The following CCDC112 variants were observed in gnomAD, a reference collection of about 807,000 sequenced individuals.
The protein encoded by CCDC112 is coiled-coil domain containing 112.
Under a neutral mutation model 66.3 loss-of-function variants are expected in CCDC112, and 40 were observed. That is an observed-to-expected ratio of 0.60 (90% CI 0.47 to 0.79). CCDC112 has a LOEUF of 0.79. Ranked by LOEUF, CCDC112 falls within the 30% of genes least tolerant of loss-of-function variation. The pLI is 0.00. For missense variants in CCDC112, 659 were observed against 603.8 expected, an observed-to-expected ratio of 1.09 and a Z score of -0.96; for synonymous variants, 214 against 197.2, an observed-to-expected ratio of 1.09 and a Z score of -0.71.
At chr5:115,289,883 G>A (rs1221147300) in intron 1 of CCDC112, among the ~76,000 whole-genome samples, 2 of 152,132 alleles carry the variant, frequency 1.3e-5, no homozygotes, top group Admixed American at 6.5e-5. Flanking sequence ...GGGGTTTCGC[G>A]ATGTTGGCCA....
chr5:115,269,246 AT>A (rs1315694281), intron 8 of CCDC112, among the ~76,000 whole-genome samples: 8 of 152,170 alleles, frequency 5.3e-5, no homozygotes, highest in African/African-American at 1.9e-4. Flanking sequence ...CTATTTTTCT[AT>A]TTCTATTATG....
At chr5:115,280,225 A>C (rs79788131) in intron 2 of CCDC112, 2,197 of 164,390 alleles carry the variant, frequency 0.013, 56 homozygotes, top group African/African-American at 0.05. Context: ...GCTCTCCACT[A>C]TCTAATAGGG....
intron 2 of CCDC112, among the ~76,000 whole-genome samples, chr5:115,283,930 G>C (rs1295718366): frequency 6.6e-6 from 1 of 151,940 alleles, no homozygotes; most frequent in African/African-American, 2.4e-5. Flanking sequence ...TTATATGCTG[G>C]TACTGCTGAC....
At chr5:115,275,786 T>C (rs376252376) in intron 5 of CCDC112, among the ~76,000 whole-genome samples, 180 bp from the exon 6 acceptor site, 6 of 152,172 alleles carry the variant, frequency 3.9e-5, no homozygotes, top group Non-Finnish European at 7.4e-5. Context: ...AAATTCTTAT[T>C]TGGGATTTTA....
At chr5:115,270,059 T>G (rs1748935284) in intron 7 of CCDC112, among the ~76,000 whole-genome samples, 1 of 152,158 alleles carries the variant, frequency 6.6e-6, no homozygotes. Flanking sequence ...GGTGAGTTAA[T>G]CCCATTTTCA....
At chr5:115,288,618 T>G (rs1749787158) in intron 1 of CCDC112, among the ~76,000 whole-genome samples, 1 of 152,192 alleles carries the variant, frequency 6.6e-6, no homozygotes, top group Non-Finnish European at 1.5e-5. Context: ...TTTAAAATGT[T>G]CAAGACATTA....
At chr5:115,274,129 C>CTG (rs1749107619) in intron 6 of CCDC112, among the ~76,000 whole-genome samples, 1 of 152,126 alleles carries the variant, frequency 6.6e-6, no homozygotes, top group Non-Finnish European at 1.5e-5. Flanking sequence ...AAAAAAGACT[C>CTG]TGACTTACTG....
intron 1 of CCDC112, 97 bp from the exon 2 acceptor site, chr5:115,285,005 T>C (rs1178541602): frequency 6.0e-6 from 7 of 1,171,394 alleles, no homozygotes; most frequent in Non-Finnish European, 8.5e-6. Context: ...GTTGAGTTTC[T>C]TGAAGGATAA....
rs1435765795 is a variant in CCDC112, at chr5:115,281,169, G to A, written c.240-1401C>T. Reference sequence around the variant, plus strand: ...CTCCCGAGTAACTGGGACTACAAGCGCCTGCCACCATGACTGGCTAATTTT... The same window carrying A: ...CTCCCGAGTAACTGGGACTACAAGCACCTGCCACCATGACTGGCTAATTTT... On this transcript the variant is annotated intron_variant, in intron 2 of 9. Coordinates refer to ENST00000379611, the MANE Select transcript of CCDC112 (RefSeq NM_001040440.3). Among the ~76,000 whole-genome samples the A allele has an allele frequency of 7.9e-5, 12 of 151,862 alleles. No individual in the cohort carries two copies. In the East Asian group the frequency reaches 2.1e-3, roughly 27 times the overall value.
chr5:115,293,677 T>C (rs1383268116), intron 1 of CCDC112, among the ~76,000 whole-genome samples: 1 of 152,214 alleles, frequency 6.6e-6, no homozygotes, highest in Non-Finnish European at 1.5e-5. Context: ...AGGACCTTTG[T>C]GATTACACCA....
In CCDC112 at chr5:115,269,700, T is replaced by A; in HGVS notation, c.1428+3A>T. ...CAATGAAAATAATCTCGGTGCAGAG[T>A]ACCTTTTCTTTTAATTTTGCCAGTC... On this transcript the variant is annotated splice_donor_region_variant and intron_variant, in intron 8 of 9. Transcript: ENST00000379611. 1 of 1,574,782 alleles carries A rather than the reference T, an allele frequency of 6.4e-7. No homozygotes were observed. The highest frequency in any genetic ancestry group is 1.8e-5 in the Admixed American group (1 of 56,810).
intron 9 of CCDC112, 122 bp downstream of exon 9, chr5:115,268,760 A>G: frequency 3.1e-6 from 1 of 320,640 alleles, no homozygotes; most frequent in Non-Finnish European, 5.6e-6. Flanking sequence ...TATATTATAC[A>G]CACTTACATA....
chr5:115,294,341 T>C lies in CCDC112; in HGVS notation c.117+2086A>G, dbSNP rs147314097. ...GAGGTCATTAAGGTGGGGACCTAAT[T>C]TGATAGAACTAGTGTTCCTATAAGA... On this transcript the variant is annotated intron_variant, in intron 1 of 9. Coordinates refer to ENST00000379611, the MANE Select transcript of CCDC112 (RefSeq NM_001040440.3). 4.5e-4 allele frequency among the ~76,000 whole-genome samples: 69 copies of C among 152,264 alleles called. No homozygotes were observed. The East Asian group carries it at 0.013, about 28-fold the overall frequency.
At chr5:115,275,935 G>T in intron 5 of CCDC112, 59 bp downstream of exon 5, 2 of 1,099,680 alleles carry the variant, frequency 1.8e-6, no homozygotes, top group Middle Eastern at 2.4e-4. Flanking sequence ...AATGTACTGG[G>T]GCCAGTTATT....
rs766261309 is a variant in CCDC112, at chr5:115,275,232, T to C, written c.902A>G (p.Glu301Gly). 3 of 1,608,918 alleles carry C rather than the reference T, an allele frequency of 1.9e-6. No homozygotes were observed. Among genetic ancestry groups the C allele is most frequent in the Admixed American group, 1.7e-5 (1 of 58,688 alleles). ...AATTATTACCTCTTTTTTTCTTTCT[T>C]CTAGAGCCAGAAACTTTTGATACCA... ...EKWYQKFLAL[E>G]ERKKESIQIW... The change falls in exon 6 of 10, where the codon GAA becomes GGA. Residue 301 changes from glutamate to glycine, a missense_variant. Coordinates refer to ENST00000379611, the MANE Select transcript of CCDC112 (RefSeq NM_001040440.3).
At chr5:115,288,247 C>T (rs1393318392) in intron 1 of CCDC112, among the ~76,000 whole-genome samples, 2 of 152,212 alleles carry the variant, frequency 1.3e-5, no homozygotes, top group African/African-American at 4.8e-5. Context: ...TCCCAAAGTG[C>T]TGGGATTACA....
At chr5:115,273,972 T>G (rs1372839646) in intron 6 of CCDC112, among the ~76,000 whole-genome samples, 2 of 152,192 alleles carry the variant, frequency 1.3e-5, no homozygotes, top group Non-Finnish European at 2.9e-5. Flanking sequence ...ACAACAAAAA[T>G]GCAGCTATTC....
At chr5:115,272,899 C>G (rs4705732) in intron 6 of CCDC112, among the ~76,000 whole-genome samples, 61,559 of 151,942 alleles carry the variant, frequency 0.41, 13,406 homozygotes, top group Middle Eastern at 0.61. Context: ...TGTGTTAAAA[C>G]GCAAATCAAT....
intron 7 of CCDC112, among the ~76,000 whole-genome samples, chr5:115,270,973 T>G (rs1748969498): frequency 6.6e-6 from 1 of 152,150 alleles, no homozygotes; most frequent in Non-Finnish European, 1.5e-5. Flanking sequence ...TCCTAAGTAC[T>G]ATGTCCATAC....
Sources: gnomAD v4.1 joint callset for allele counts (sites outside exome capture counted in the v4.1 genomes callset) on GRCh38, gnomAD v4.1.1 for gene constraint, MANE v1.5 for transcripts, NCBI Gene and HGNC (gene_info 2026-07-23, HGNC 2026-07-21) for gene names.